The following PDE6D variants were observed in gnomAD, a reference collection of about 807,000 sequenced individuals.
The protein encoded by PDE6D is retinal rod rhodopsin-sensitive cGMP 3',5'-cyclic phosphodiesterase subunit delta.
In PDE6D, 10 loss-of-function variants were observed where a neutral mutation model predicts 21.9. That is an observed-to-expected ratio of 0.46 (90% CI 0.28 to 0.78). PDE6D has a LOEUF of 0.78. Ranked by LOEUF, PDE6D falls within the 30% of genes least tolerant of loss-of-function variation. The pLI, the probability that PDE6D is intolerant of heterozygous loss-of-function variation, is 0.12. For synonymous variants in PDE6D, 59 were observed against 63.5 expected (o/e 0.93, Z 0.34); for missense variants, 139 against 184.8 (o/e 0.75, Z 1.44).
At chr2:231,738,954 T>C in intron 2 of PDE6D, 146 bp downstream of exon 2, 1 of 447,090 alleles carries the variant, frequency 2.2e-6, no homozygotes, top group Non-Finnish European at 4.1e-6. Flanking sequence ...AGAAAGTAAC[T>C]GAAACTGTCA....
intron 1 of PDE6D, among the ~76,000 whole-genome samples, chr2:231,764,228 GGGC>G (rs2048953163): frequency 6.6e-6 from 1 of 152,004 alleles, no homozygotes; most frequent in African/African-American, 2.4e-5. Context: ...ATACCAGCTT[GGGC>G]AATATAGTGA....
intron 1 of PDE6D, among the ~76,000 whole-genome samples, chr2:231,759,193 T>C (rs2048906842): frequency 6.6e-6 from 1 of 151,714 alleles, no homozygotes; most frequent in Admixed American, 6.6e-5. Context: ...GGCACATGCC[T>C]GTAGTCCCAG....
At chr2:231,755,619 A>G (rs1221050463) in intron 1 of PDE6D, among the ~76,000 whole-genome samples, 1 of 151,894 alleles carries the variant, frequency 6.6e-6, no homozygotes. Context: ...CTACCACACA[A>G]GATCTCTAAA....
intron 1 of PDE6D, among the ~76,000 whole-genome samples, chr2:231,764,516 G>A (rs2048955100): frequency 1.3e-5 from 2 of 152,206 alleles, no homozygotes; most frequent in South Asian, 4.1e-4. Context: ...AGAAGGGTGA[G>A]ATAAGAAAGG....
At chr2:231,745,186 A>G (rs72996830) in intron 1 of PDE6D, among the ~76,000 whole-genome samples, 58 of 152,266 alleles carry the variant, frequency 3.8e-4, no homozygotes, top group Non-Finnish European at 7.9e-4. Context: ...AAAAGAGGAA[A>G]CTTCAAGTTG....
In PDE6D at chr2:231,762,979, AT is replaced by A. The variant is rs1019476488; in HGVS notation, c.50+18085del. 7.9e-5 allele frequency among the ~76,000 whole-genome samples: 12 copies of A among 152,086 alleles called. 1 individual carries two copies. The highest frequency in any genetic ancestry group is 2.9e-4 in the African/African-American group (12 of 41,410). Reference sequence around the variant, plus strand: ...AAAGAAAATTGCAGCCAGAGAAAGCATTTGGTGGTATGCTCCATATTGCAAC... The same window carrying A: ...AAAGAAAATTGCAGCCAGAGAAAGCATTGGTGGTATGCTCCATATTGCAAC... On this transcript the variant is annotated intron_variant, in intron 1 of 4. Coordinates refer to ENST00000287600, the MANE Select transcript of PDE6D (RefSeq NM_002601.4).
chr2:231,736,679 T>C (rs2048704918), intron 4 of PDE6D, among the ~76,000 whole-genome samples: 1 of 152,190 alleles, frequency 6.6e-6, no homozygotes, highest in Non-Finnish European at 1.5e-5. Context: ...ACAGAATTAT[T>C]AATAGGACTT....
At chr2:231,764,937 C>T (rs1296439734) in intron 1 of PDE6D, among the ~76,000 whole-genome samples, 1 of 152,094 alleles carries the variant, frequency 6.6e-6, no homozygotes, top group African/African-American at 2.4e-5. Context: ...CAACCACAAG[C>T]GATGCTTTCA....
chr2:231,756,516 A>G (rs142884150), intron 1 of PDE6D, among the ~76,000 whole-genome samples: 332 of 151,972 alleles, frequency 2.2e-3, no homozygotes, highest in African/African-American at 7.7e-3. Flanking sequence ...AGCTCACTGC[A>G]GCCTTGAACT....
intron 1 of PDE6D, among the ~76,000 whole-genome samples, chr2:231,770,130 A>G (rs1301696915): frequency 6.6e-6 from 1 of 152,172 alleles, no homozygotes; most frequent in Non-Finnish European, 1.5e-5. Context: ...TTGTGGGATA[A>G]ATTTTGTGTT....
In PDE6D at chr2:231,739,786, C is replaced by T. The variant is rs544709620; in HGVS notation, c.51-598G>A. 5.9e-5 allele frequency among the ~76,000 whole-genome samples: 9 copies of T among 152,206 alleles called. No homozygotes were observed. In the South Asian group the frequency reaches 1.9e-3, roughly 32 times the overall value. On this transcript the variant is annotated intron_variant, in intron 1 of 4. Transcript: ENST00000287600. This position sits in a 1 kb window ranked among gnomAD's most constrained non-coding sequence, Gnocchi z 4.2. ...AGCTGGAATTATAGGAGCACGTCAC[C>T]AAGCCCAGCTTATTTTTGTATTTTT...
intron 1 of PDE6D, among the ~76,000 whole-genome samples, chr2:231,749,236 G>A (rs755311814): frequency 1.8e-4 from 28 of 152,142 alleles, no homozygotes; most frequent in Admixed American, 3.9e-4. Flanking sequence ...ATGAGAACCC[G>A]CCTCTTGCAT....
chr2:231,753,863 T>C (rs1312103362), intron 1 of PDE6D, among the ~76,000 whole-genome samples: 4 of 152,218 alleles, frequency 2.6e-5, no homozygotes, highest in Non-Finnish European at 5.9e-5. Context: ...AAAGTTTACA[T>C]TGTGGCTCAA....
intron 1 of PDE6D, among the ~76,000 whole-genome samples, chr2:231,763,267 A>G (rs1219691645): frequency 6.6e-6 from 1 of 152,232 alleles, no homozygotes; most frequent in Non-Finnish European, 1.5e-5. Flanking sequence ...TTTGTTTTAC[A>G]TGGAGGGTAG....
At chr2:231,734,453 TAA>T (rs112709614) in intron 4 of PDE6D, among the ~76,000 whole-genome samples, 27 of 143,900 alleles carry the variant, frequency 1.9e-4, no homozygotes, top group African/African-American at 5.1e-4. Context: ...TAATAAAATC[TAA>T]AAAAAAAAAA....
rs1172304984 is a variant in PDE6D, at chr2:231,733,010, T to G, written c.395A>C (p.Lys132Thr). The G allele has an allele frequency of 6.2e-7, 1 of 1,610,554 alleles. No individual in the cohort carries two copies. Among genetic ancestry groups the G allele is most frequent in the Non-Finnish European group, 8.5e-7 (1 of 1,176,886 alleles). Residue 132 changes from lysine (K) to threonine (T), a missense_variant, in exon 5 of 5, where the codon AAG (lysine) becomes ACG (threonine). Transcript: ENST00000287600. The stretch of plus-strand genomic sequence containing the variant: ...TACAAGAAGATCGTCGTCAAAAAAC[T>G]TTGTTTCTATGATAACGTTCCCACT... ...VLTGNVIIET[K>T]FFDDDLLVST...
chr2:231,758,157 C>T (rs1225021873), intron 1 of PDE6D, among the ~76,000 whole-genome samples: 1 of 152,124 alleles, frequency 6.6e-6, no homozygotes, highest in Non-Finnish European at 1.5e-5. Flanking sequence ...CTGTCTAAAA[C>T]GGCATCTTAG....
chr2:231,780,859 C>T (rs1214679063), intron 1 of PDE6D, among the ~76,000 whole-genome samples: 2 of 152,218 alleles, frequency 1.3e-5, no homozygotes, highest in African/African-American at 4.8e-5. Context: ...CTCCCGTCAA[C>T]GTCCCCTTCC....
intron 1 of PDE6D, among the ~76,000 whole-genome samples, chr2:231,742,497 G>A (rs1017695192): frequency 3.9e-5 from 6 of 152,024 alleles, no homozygotes; most frequent in Non-Finnish European, 7.4e-5. Context: ...AGAGTGCTAA[G>A]GTTTTTTTTG....
Sources: allele counts gnomAD v4.1 joint callset (sites outside exome capture counted in the v4.1 genomes callset), GRCh38; gene constraint gnomAD v4.1.1; non-coding constraint Gnocchi (gnomAD v3.1); transcripts MANE v1.5; gene names NCBI Gene and HGNC (gene_info 2026-07-23, HGNC 2026-07-21).